Variants in PGAP1 observed in about 807,000 individuals in gnomAD.
The protein encoded by PGAP1 is post-GPI attachment to proteins inositol deacylase 1.
A neutral mutation model predicts 127.0 loss-of-function variants in PGAP1; 76 were observed. That is an observed-to-expected ratio of 0.60 (90% CI 0.50 to 0.72). The LOEUF is 0.72. Among genes scored for constraint, PGAP1 ranks in the 30% least tolerant of loss-of-function variants. PGAP1 has a pLI of 0.00. For missense variants in PGAP1, 982 were observed against 1,071.3 expected (o/e 0.92, Z 1.16); for synonymous variants, 362 against 366.5 (o/e 0.99, Z 0.14).
intron 20 of PGAP1, among the ~76,000 whole-genome samples, chr2:196,855,043 C>T (rs1490567422): frequency 6.6e-6 from 1 of 151,684 alleles, no homozygotes; most frequent in Admixed American, 6.6e-5. Flanking sequence ...TTCATATCAG[C>T]AGGGCACGGT....
intron 10 of PGAP1, among the ~76,000 whole-genome samples, chr2:196,887,292 G>A (rs1701943535): frequency 6.6e-6 from 1 of 152,134 alleles, no homozygotes; most frequent in African/African-American, 2.4e-5. Context: ...GCTGAGGCAG[G>A]AGAATGGCAT....
intron 1 of PGAP1, among the ~76,000 whole-genome samples, chr2:196,926,118 C>A (rs1159183112): frequency 6.6e-6 from 1 of 152,102 alleles, no homozygotes; most frequent in Non-Finnish European, 1.5e-5. Context: ...AGGGTTGAGG[C>A]TGCCTCTCTG....
chr2:196,874,063 G>C (rs865904457), intron 14 of PGAP1: 5 of 209,674 alleles, frequency 2.4e-5, no homozygotes, highest in African/African-American at 9.3e-5. Flanking sequence ...CAATGATATG[G>C]GTGATTCAGA....
rs997923436 is a variant in PGAP1, at chr2:196,838,743, G to C, written c.*2491C>G. Reference sequence around the variant, plus strand: ...TGAGAATTAGTGTACCTAGTCTGCTGCTTTAAAAAGTAAATGTACGGCTGG... The same window carrying C: ...TGAGAATTAGTGTACCTAGTCTGCTCCTTTAAAAAGTAAATGTACGGCTGG... On this transcript the variant is annotated 3_prime_UTR_variant, in exon 27 of 27. Transcript: ENST00000354764. 3.3e-5 allele frequency: 5 copies of C among 152,100 alleles called. No homozygotes were observed. Among genetic ancestry groups the C allele is most frequent in the African/African-American group, 1.2e-4 (5 of 41,426 alleles). The allele number at this position is 152,100 out of a possible 1,614,324, so 9.4% of individuals were successfully genotyped here. A position where few individuals can be genotyped will look rare whatever the true frequency, so the allele number is the denominator to read the frequency against.
chr2:196,913,070 C>A lies in PGAP1; in HGVS notation c.478-17G>T, dbSNP rs766316116. The A allele has an allele frequency of 5.0e-6, 8 of 1,584,842 alleles. No individual in the cohort carries two copies. In the South Asian group the frequency reaches 8.1e-5, roughly 16 times the overall value. On this transcript the variant is annotated splice_polypyrimidine_tract_variant and intron_variant, in intron 3 of 26. Coordinates refer to ENST00000354764, the MANE Select transcript of PGAP1 (RefSeq NM_024989.4). ...TTCTTGACCCTATTAAAATAAATCA[C>A]CAGGTCATAATTGCGGCTTTGTATC...
At chr2:196,860,523 G>C (rs1701030919) in intron 20 of PGAP1, among the ~76,000 whole-genome samples, 1 of 151,976 alleles carries the variant, frequency 6.6e-6, no homozygotes, top group Admixed American at 6.6e-5. Flanking sequence ...AACAGAACGA[G>C]ACTCCATCTC....
chr2:196,898,916 T>C lies in PGAP1; in HGVS notation c.808-547A>G, dbSNP rs143719164. On this transcript the variant is annotated intron_variant, in intron 5 of 26. Transcript: ENST00000354764. Reference sequence around the variant, plus strand: ...GACTTTCCCAAGCGGGGTCCAGGGTTATATATTTTGAAAAAAAAAAAAATC... The same window carrying C: ...GACTTTCCCAAGCGGGGTCCAGGGTCATATATTTTGAAAAAAAAAAAAATC... Among the ~76,000 whole-genome samples, 1,375 of 149,458 alleles carry C rather than the reference T, an allele frequency of 9.2e-3. 8 individuals carry two copies. The highest frequency in any genetic ancestry group is 0.014 in the Non-Finnish European group (927 of 67,030).
At chr2:196,921,096 A>G (rs573846881) in intron 1 of PGAP1, among the ~76,000 whole-genome samples, 2 of 152,074 alleles carry the variant, frequency 1.3e-5, no homozygotes, top group South Asian at 4.1e-4. Flanking sequence ...AGTGCTGTAC[A>G]TGTGGCATGT....
intron 17 of PGAP1, 131 bp from the exon 18 acceptor site, chr2:196,872,680 G>A (rs1701447365): frequency 3.1e-6 from 2 of 653,772 alleles, no homozygotes; most frequent in Non-Finnish European, 2.7e-6. Context: ...AATTGTGGAT[G>A]GGCACTTTTT....
intron 12 of PGAP1, among the ~76,000 whole-genome samples, chr2:196,882,876 C>A (rs1576149695): frequency 6.6e-6 from 1 of 152,164 alleles, no homozygotes; most frequent in East Asian, 1.9e-4. Context: ...CTGGCCAGGT[C>A]TTCCAGTACT....
At chr2:196,868,384 T>C (rs544965379) in intron 19 of PGAP1, among the ~76,000 whole-genome samples, 5 of 151,974 alleles carry the variant, frequency 3.3e-5, no homozygotes, top group South Asian at 4.2e-4. Flanking sequence ...AATGTTATAC[T>C]GGGCTACAGA....
intron 2 of PGAP1, 148 bp from the exon 3 acceptor site, chr2:196,916,741 T>G (rs1476553803): frequency 1.5e-6 from 1 of 674,264 alleles, no homozygotes; most frequent in Non-Finnish European, 2.3e-6. Context: ...AGCACCAATT[T>G]AGAACAAACT....
chr2:196,915,042 A>G (rs998816311), intron 3 of PGAP1, among the ~76,000 whole-genome samples: 1 of 152,116 alleles, frequency 6.6e-6, no homozygotes, highest in Non-Finnish European at 1.5e-5. Context: ...ACAATGGTCA[A>G]TTATTAATCC....
At position 196,837,306 on chromosome 2, in the gene PGAP1, T is replaced by C. The variant is rs887180896; in HGVS notation, c.*3928A>G. ...ACAGCAAGATGAAATGAATGCACTA[T>C]ACTAAATGTGAGAAGTCTGAAGAAT... On this transcript the variant is annotated 3_prime_UTR_variant, in exon 27 of 27. Transcript: ENST00000354764. 7.9e-5 allele frequency: 12 copies of C among 152,154 alleles called. No individual in the cohort carries two copies. The highest frequency in any genetic ancestry group is 5.9e-5 in the Non-Finnish European group (4 of 68,028). 9.4% of individuals were successfully genotyped at this position (152,154 alleles called of 1,614,324 possible). A position where few individuals can be genotyped will look rare whatever the true frequency, so the allele number is the denominator to read the frequency against.
chr2:196,838,053 A>G lies in PGAP1; in HGVS notation c.*3181T>C, dbSNP rs1262366034. ...TCTGGCATAAAAAAGATCCAGGAAA[A>G]AAAACAGTGTTAGCAATCTCTACCT... On this transcript the variant is annotated 3_prime_UTR_variant, in exon 27 of 27. Coordinates refer to ENST00000354764, the MANE Select transcript of PGAP1 (RefSeq NM_024989.4). 2.0e-5 allele frequency: 3 copies of G among 152,214 alleles called. No homozygotes were observed. The highest frequency in any genetic ancestry group is 4.4e-5 in the Non-Finnish European group (3 of 68,030). The allele number at this position is 152,214 out of a possible 1,614,324, so 9.4% of individuals were successfully genotyped here.
At chr2:196,858,264 T>C (rs1020459490) in intron 20 of PGAP1, among the ~76,000 whole-genome samples, 2 of 151,850 alleles carry the variant, frequency 1.3e-5, no homozygotes, top group African/African-American at 4.8e-5. Flanking sequence ...TAGCTGGGCA[T>C]GGTGGTGGGT....
chr2:196,895,919 A>AT (rs964820747), intron 7 of PGAP1, among the ~76,000 whole-genome samples: 2 of 152,168 alleles, frequency 1.3e-5, no homozygotes, highest in African/African-American at 2.4e-5. Context: ...AAAAGAAGGA[A>AT]TTTTTTCTCC....
intron 16 of PGAP1, 94 bp from the exon 17 acceptor site, chr2:196,873,120 A>G (rs1367407045): frequency 2.0e-6 from 1 of 489,554 alleles, no homozygotes; most frequent in Non-Finnish European, 3.7e-6. Flanking sequence ...ACAATTGTCC[A>G]TTTCATTAAA....
intron 20 of PGAP1, among the ~76,000 whole-genome samples, chr2:196,855,325 C>CACA: frequency 1.5e-5 from 1 of 67,158 alleles, no homozygotes; most frequent in Admixed American, 1.9e-4. Flanking sequence ...ACTCTGTCAC[C>CACA]AAAAAAAAAA....
Sources: allele counts gnomAD v4.1 joint callset (sites outside exome capture counted in the v4.1 genomes callset), GRCh38; gene constraint gnomAD v4.1.1; transcripts MANE v1.5; gene names NCBI Gene and HGNC (gene_info 2026-07-23, HGNC 2026-07-21).